Variants in CTNNA2 observed in about 807,000 individuals in gnomAD.
The protein encoded by CTNNA2 is catenin alpha 2, also known as catenin alpha-2.
A neutral mutation model predicts 101.0 loss-of-function variants in CTNNA2; 42 were observed. The ratio of observed to expected loss-of-function variants is 0.42; its 90% CI spans 0.32 to 0.54. The LOEUF is 0.54. CTNNA2 is among the 20% of genes least tolerant of loss of function. The pLI, the probability that CTNNA2 is intolerant of heterozygous loss-of-function variation, is 0.14. For missense variants in CTNNA2, 871 were observed against 1,223.1 expected (o/e 0.71, Z 4.29); for synonymous variants, 450 against 456.4 (o/e 0.99, Z 0.18).
At chr2:79,378,303 A>G (rs1296711023) in intron 4 of CTNNA2, among the ~76,000 whole-genome samples, 2 of 152,204 alleles carry the variant, frequency 1.3e-5, no homozygotes, top group African/African-American at 2.4e-5. Context: ...AAATGTAGGT[A>G]TTATTCTCTA....
chr2:80,126,684 C>CT, intron 7 of CTNNA2, among the ~76,000 whole-genome samples: 1 of 139,472 alleles, frequency 7.2e-6, no homozygotes, highest in African/African-American at 2.6e-5. Context: ...CCCTCCCTTT[C>CT]GTCTTTCCTT....
At chr2:80,550,910 G>A (rs146935730) in intron 11 of CTNNA2, among the ~76,000 whole-genome samples, 164 of 152,272 alleles carry the variant, frequency 1.1e-3, no homozygotes, top group African/African-American at 3.8e-3. Context: ...CTAGGATGGC[G>A]AATTCTTTCC....
At chr2:80,421,470 T>G (rs1406502121) in intron 9 of CTNNA2, among the ~76,000 whole-genome samples, 4 of 152,188 alleles carry the variant, frequency 2.6e-5, no homozygotes, top group Admixed American at 2.0e-4. Flanking sequence ...ACCCAGCTTT[T>G]TCCACTCATT....
chr2:80,490,292 G>C (rs1686960709), intron 9 of CTNNA2, among the ~76,000 whole-genome samples: 1 of 59,566 alleles, frequency 1.7e-5, no homozygotes, highest in African/African-American at 1.0e-4. Flanking sequence ...CCCCCCCCCG[G>C]TAAAGCACCA....
intron 1 of CTNNA2, among the ~76,000 whole-genome samples, chr2:79,568,002 C>A (rs1030589168): frequency 3.3e-5 from 5 of 152,086 alleles, no homozygotes; most frequent in Non-Finnish European, 7.4e-5. Context: ...CACAGGAGGA[C>A]ACCGAATCTT....
chr2:79,687,510 G>T, intron 2 of CTNNA2: 1 of 647,150 alleles, frequency 1.5e-6, no homozygotes, highest in South Asian at 1.8e-5. Flanking sequence ...TACCCAGAGG[G>T]CACACACTGG....
chr2:80,418,456 A>G (rs148908219), intron 8 of CTNNA2, among the ~76,000 whole-genome samples: 1 of 152,320 alleles, frequency 6.6e-6, no homozygotes, highest in East Asian at 1.9e-4. Context: ...ATTACATTTT[A>G]TAAGGTAAAA....
intron 7 of CTNNA2, among the ~76,000 whole-genome samples, chr2:80,205,098 G>A (rs1461179531): frequency 6.6e-6 from 1 of 152,162 alleles, no homozygotes; most frequent in African/African-American, 2.4e-5. Flanking sequence ...TGAGCTACAA[G>A]ATGAGATTTG....
intron 2 of CTNNA2, among the ~76,000 whole-genome samples, chr2:79,252,505 G>A (rs755027093): frequency 1.3e-5 from 2 of 151,922 alleles, no homozygotes; most frequent in African/African-American, 2.4e-5. Context: ...ACAATGTATA[G>A]GTATAACTTG....
chr2:80,380,315 C>T (rs553731245), intron 7 of CTNNA2, among the ~76,000 whole-genome samples: 2 of 152,070 alleles, frequency 1.3e-5, no homozygotes, highest in Admixed American at 6.5e-5. Flanking sequence ...GGATTACAGG[C>T]GTGAGCCACC....
At chr2:80,630,823 T>C (rs1018283601) in intron 18 of CTNNA2, among the ~76,000 whole-genome samples, 1 of 152,108 alleles carries the variant, frequency 6.6e-6, no homozygotes, top group Non-Finnish European at 1.5e-5. Context: ...TAATATATAT[T>C]ATGATGATGA....
chr2:79,351,137 A>G (rs867136309), intron 3 of CTNNA2, among the ~76,000 whole-genome samples: 1 of 152,186 alleles, frequency 6.6e-6, no homozygotes, highest in African/African-American at 2.4e-5. Context: ...TAGTTTAGAT[A>G]AGTCCCATTT....
intron 7 of CTNNA2, among the ~76,000 whole-genome samples, chr2:80,128,823 G>A (rs1173102551): frequency 6.6e-6 from 1 of 152,080 alleles, no homozygotes; most frequent in East Asian, 1.9e-4. Context: ...AGGTTTGGGA[G>A]TCGTCACCAG....
chr2:79,618,484 C>A (rs1678785234), intron 1 of CTNNA2, among the ~76,000 whole-genome samples: 1 of 152,042 alleles, frequency 6.6e-6, no homozygotes, highest in African/African-American at 2.4e-5. Context: ...AGGTTTAGTT[C>A]ACTGATGAGA....
chr2:80,629,862 A>G (rs771983663), intron 18 of CTNNA2, among the ~76,000 whole-genome samples: 1 of 152,168 alleles, frequency 6.6e-6, no homozygotes, highest in Non-Finnish European at 1.5e-5. Context: ...GATGAGAACC[A>G]TAGGACTGGT....
rs1461431150 is a variant in CTNNA2, at chr2:79,338,582, T to TCTTCTTCTTCTA, written c.-318+25797_-318+25798insACTTCTTCTTCT. On this transcript the variant is annotated intron_variant, in intron 3 of 21. Coordinates refer to the CTNNA2 transcript ENST00000466387. Reference sequence around the variant, plus strand: ...TTCTTCTTCTTCCTCCTCATCATCTTCTTCTTCTTCTTCTTCTTCTTCTTC... The same window carrying TCTTCTTCTTCTA: ...TTCTTCTTCTTCCTCCTCATCATCTTCTTCTTCTTCTACTTCTTCTTCTTCTTCTTCTTCTTC... Among the ~76,000 whole-genome samples, 323 of 110,832 alleles carry TCTTCTTCTTCTA rather than the reference T, an allele frequency of 2.9e-3. 5 individuals are homozygous for TCTTCTTCTTCTA. Among genetic ancestry groups the TCTTCTTCTTCTA allele is most frequent in the African/African-American group, 0.013 (304 of 23,692 alleles). 72.7% of individuals were successfully genotyped at this position (110,832 alleles called of 152,430 possible).
intron 4 of CTNNA2, among the ~76,000 whole-genome samples, chr2:79,376,620 T>C (rs373629739): frequency 6.6e-6 from 1 of 152,158 alleles, no homozygotes; most frequent in African/African-American, 2.4e-5. Flanking sequence ...TATCTCCTAA[T>C]GCTATCCCTC....
At chr2:79,733,860 GTCAA>G (rs988040354) in intron 2 of CTNNA2, among the ~76,000 whole-genome samples, 4 of 152,070 alleles carry the variant, frequency 2.6e-5, no homozygotes, top group African/African-American at 9.7e-5. Flanking sequence ...TCGTGTTCAT[GTCAA>G]TCAAAGAGTG....
At chr2:79,948,739 C>A (rs970537083) in intron 7 of CTNNA2, among the ~76,000 whole-genome samples, 25 of 152,114 alleles carry the variant, frequency 1.6e-4, no homozygotes, top group African/African-American at 5.8e-4. Flanking sequence ...GAGGCCGAGG[C>A]GGGCGGATCA....
Sources: gnomAD v4.1 joint callset for allele counts (sites outside exome capture counted in the v4.1 genomes callset) on GRCh38, gnomAD v4.1.1 for gene constraint, MANE v1.5 for transcripts, NCBI Gene and HGNC (gene_info 2026-07-23, HGNC 2026-07-21) for gene names.